KCND2: variants seen among roughly 807,000 people sequenced by gnomAD.
KCND2 encodes the protein A-type voltage-gated potassium channel KCND2.
A neutral mutation model predicts 54.4 loss-of-function variants in KCND2; 16 were observed. The observed-to-expected ratio is 0.29, with a 90% confidence interval of 0.20 to 0.45. KCND2 has a LOEUF of 0.45. Among genes scored for constraint, KCND2 ranks in the 20% least tolerant of loss-of-function variants. The pLI, the probability that KCND2 is intolerant of heterozygous loss-of-function variation, is 1.00. For missense variants in KCND2, 486 were observed against 824.2 expected, an observed-to-expected ratio of 0.59 and a Z score of 5.02; for synonymous variants, 317 against 310.7, an observed-to-expected ratio of 1.02 and a Z score of -0.21.
chr7:120,749,986 T>A lies in KCND2; in HGVS notation c.*2128T>A, dbSNP rs1793052183. On this transcript the variant is annotated 3_prime_UTR_variant, in exon 6 of 6. Transcript: ENST00000331113. Reference sequence around the variant, plus strand: ...ATACAAGAAAATGCAGTTAGGTTATTTCAATTGACAATTCTGCCTCCTCTT... The same window carrying A: ...ATACAAGAAAATGCAGTTAGGTTATATCAATTGACAATTCTGCCTCCTCTT... 1 of 151,966 alleles carries A rather than the reference T, an allele frequency of 6.6e-6. No individual in the cohort carries two copies. Among genetic ancestry groups the A allele is most frequent in the Non-Finnish European group, 1.5e-5 (1 of 67,858 alleles). The allele number at this position is 151,966 out of a possible 1,614,324, so 9.4% of individuals were successfully genotyped here.
chr7:120,686,947 CA>C (rs968508378), intron 1 of KCND2, among the ~76,000 whole-genome samples: 10 of 152,068 alleles, frequency 6.6e-5, no homozygotes, highest in African/African-American at 2.2e-4. Flanking sequence ...CGGTTGTGAA[CA>C]ATTATTATTT....
intron 1 of KCND2, among the ~76,000 whole-genome samples, chr7:120,307,075 T>G (rs1799658770): frequency 6.6e-6 from 1 of 152,054 alleles, no homozygotes; most frequent in South Asian, 2.1e-4. Context: ...CTTTTAAAAT[T>G]TATGCTGTGT....
intron 1 of KCND2, among the ~76,000 whole-genome samples, chr7:120,331,791 G>GAAAATCTCCAAAGAACTCTCA (rs1554427981): frequency 6.6e-6 from 1 of 152,000 alleles, no homozygotes; most frequent in African/African-American, 2.4e-5. Context: ...AATTTCAAGT[G>GAAAATCTCCAAAGAACTCTCA]AAAATCTCCA....
At chr7:120,437,865 T>A (rs1192679783) in intron 1 of KCND2, among the ~76,000 whole-genome samples, 1 of 152,220 alleles carries the variant, frequency 6.6e-6, no homozygotes, top group African/African-American at 2.4e-5. Flanking sequence ...GTGATCTGCC[T>A]TTATCCAATA....
At chr7:120,364,694 G>A (rs1440404507) in intron 1 of KCND2, among the ~76,000 whole-genome samples, 1 of 151,986 alleles carries the variant, frequency 6.6e-6, no homozygotes, top group Non-Finnish European at 1.5e-5. Flanking sequence ...GAGGATTCTG[G>A]CTAAACTGAC....
intron 5 of KCND2, among the ~76,000 whole-genome samples, chr7:120,747,155 A>G (rs1467610915): frequency 6.6e-6 from 1 of 152,022 alleles, no homozygotes; most frequent in African/African-American, 2.4e-5. Context: ...ATCCAATAAT[A>G]CCATTTGGGA....
At chr7:120,605,023 TATTA>T (rs1339462439) in intron 1 of KCND2, among the ~76,000 whole-genome samples, 3 of 152,244 alleles carry the variant, frequency 2.0e-5, no homozygotes, top group African/African-American at 4.8e-5. Flanking sequence ...AGATTATTAC[TATTA>T]ATTAATAATC....
intron 1 of KCND2, among the ~76,000 whole-genome samples, chr7:120,453,910 C>A (rs1189582858): frequency 2.0e-5 from 3 of 152,034 alleles, no homozygotes; most frequent in Non-Finnish European, 4.4e-5. Context: ...CATGGTGAAA[C>A]CTGTCTCTAC....
intron 1 of KCND2, among the ~76,000 whole-genome samples, chr7:120,669,753 T>C (rs751080405): frequency 6.6e-6 from 1 of 152,120 alleles, no homozygotes; most frequent in Non-Finnish European, 1.5e-5. Flanking sequence ...GGAGAAAACT[T>C]TCAGATCTTA....
chr7:120,621,331 G>A (rs1793096643), intron 1 of KCND2, among the ~76,000 whole-genome samples: 1 of 148,272 alleles, frequency 6.7e-6, no homozygotes, highest in Non-Finnish European at 1.5e-5. Flanking sequence ...TGTCACCTGG[G>A]TTCTCTCTCC....
At chr7:120,498,997 G>T (rs1054455049) in intron 1 of KCND2, among the ~76,000 whole-genome samples, 1 of 151,906 alleles carries the variant, frequency 6.6e-6, no homozygotes, top group Non-Finnish European at 1.5e-5. Context: ...ATAATATTCC[G>T]TTCATAGGAA....
intron 1 of KCND2, among the ~76,000 whole-genome samples, chr7:120,712,339 C>T (rs1792551553): frequency 2.3e-5 from 3 of 132,996 alleles, no homozygotes; most frequent in South Asian, 2.6e-4. Context: ...TCTTGGCTCA[C>T]TGCAACCTCT....
At position 120,634,570 on chromosome 7, in the gene KCND2, G is replaced by T. The variant is rs986975433; in HGVS notation, c.1116-98333G>T. On this transcript the variant is annotated intron_variant, in intron 1 of 5. Transcript: ENST00000331113. ...GTGCCCTGTTCACCCCAAACCTGTT[G>T]CATGTGCCCTAGTTATTGACATACC... Among the ~76,000 whole-genome samples, 3 of 152,040 alleles carry T rather than the reference G, an allele frequency of 2.0e-5. No homozygotes were observed. In the East Asian group the frequency reaches 5.8e-4, roughly 29 times the overall value.
chr7:120,528,788 T>C (rs1791808451), intron 1 of KCND2, among the ~76,000 whole-genome samples: 1 of 152,210 alleles, frequency 6.6e-6, no homozygotes. Context: ...CTGTTCCATT[T>C]ACCACTTTCT....
intron 1 of KCND2, among the ~76,000 whole-genome samples, chr7:120,481,919 CA>C (rs1465772872): frequency 6.6e-6 from 1 of 152,118 alleles, no homozygotes; most frequent in Non-Finnish European, 1.5e-5. Context: ...AGAGCCATCT[CA>C]AAAAATTCTC....
chr7:120,580,205 A>G (rs1792497667), intron 1 of KCND2, among the ~76,000 whole-genome samples: 1 of 152,214 alleles, frequency 6.6e-6, no homozygotes. Context: ...AATGGGGGAA[A>G]ATGTTTTCAT....
intron 1 of KCND2, among the ~76,000 whole-genome samples, chr7:120,386,231 T>C (rs971682880): frequency 6.6e-6 from 1 of 152,192 alleles, no homozygotes; most frequent in African/African-American, 2.4e-5. Flanking sequence ...AACATTTTGC[T>C]ATAATAAAAA....
intron 1 of KCND2, among the ~76,000 whole-genome samples, chr7:120,419,361 A>T (rs982624349): frequency 6.6e-6 from 1 of 152,164 alleles, no homozygotes; most frequent in African/African-American, 2.4e-5. Flanking sequence ...AAACTAAAAG[A>T]ATTGGTCAAA....
intron 1 of KCND2, among the ~76,000 whole-genome samples, chr7:120,331,775 A>T (rs1800072621): frequency 2.0e-5 from 3 of 152,044 alleles, no homozygotes; most frequent in African/African-American, 7.2e-5. Context: ...TTTGTGGCTA[A>T]CTTGAAATTT....
Sources: allele counts gnomAD v4.1 joint callset (sites outside exome capture counted in the v4.1 genomes callset), GRCh38; gene constraint gnomAD v4.1.1; transcripts MANE v1.5; gene names NCBI Gene and HGNC (gene_info 2026-07-23, HGNC 2026-07-21).